TTC5: variants seen among roughly 807,000 people sequenced by gnomAD.
The protein encoded by TTC5 is tetratricopeptide repeat protein 5.
Under a neutral mutation model 57.4 loss-of-function variants are expected in TTC5, and 46 were observed. The observed-to-expected ratio is 0.80, with a 90% CI of 0.63 to 1.03. The LOEUF is 1.03. Ranked by LOEUF, TTC5 falls within the 50% of genes least tolerant of loss-of-function variation. The pLI is 0.00. For missense variants in TTC5, 504 were observed against 528.1 expected, an observed-to-expected ratio of 0.95 and a Z score of 0.45; for synonymous variants, 190 against 203.5, an observed-to-expected ratio of 0.93 and a Z score of 0.57.
Position 20,295,406 on chromosome 14 carries a change from T to C in TTC5, c.964A>G (p.Lys322Glu), listed in dbSNP as rs1594263569. Residue 322 changes from lysine (K) to glutamate (E), a missense_variant, in exon 8 of 10, where the codon AAG (lysine) becomes GAG (glutamate). Coordinates refer to ENST00000258821, the MANE Select transcript of TTC5 (RefSeq NM_138376.3). ...CCAGGCTGAAGCGTACTCAGTGGCT[T>C]GAGCTCCAGGGTCACTTTCTGCCCA... ...ASGQKVTLEL[K>E]PLSTLQPGVN... is the part of the protein sequence containing the mutation. 6.2e-7 allele frequency: 1 copy of C among 1,614,208 alleles called. No individual in the cohort carries two copies. Among genetic ancestry groups the C allele is most frequent in the Non-Finnish European group, 8.5e-7 (1 of 1,180,032 alleles).
At chr14:20,301,560 G>T (rs1228148066) in intron 2 of TTC5, among the ~76,000 whole-genome samples, 1 of 152,120 alleles carries the variant, frequency 6.6e-6, no homozygotes, top group Non-Finnish European at 1.5e-5. Context: ...TATATAAGTG[G>T]ATTTGAAAGT....
chr14:20,286,351 AAAAGAAACAGGAATGGAC>A lies in TTC5; in HGVS notation c.*3258_*3275del, dbSNP rs1394104091. 2 of 152,284 alleles carry A rather than the reference AAAAGAAACAGGAATGGAC, an allele frequency of 1.3e-5. No homozygotes were observed. The highest frequency in any genetic ancestry group is 4.8e-5 in the African/African-American group (2 of 41,578). 9.4% of individuals were successfully genotyped at this position (152,284 alleles called of 1,614,324 possible). A position where few individuals can be genotyped will look rare whatever the true frequency, so the allele number is the denominator to read the frequency against. On this transcript the variant is annotated 3_prime_UTR_variant, in exon 10 of 10. Transcript: ENST00000258821. ...CAAAAGAAAACAGAGATTTCATAGA[AAAAGAAACAGGAATGGAC>A]AAAGAAATGTAATTTATGCCTACTA... is the stretch of plus-strand genomic sequence containing the variant.
At chr14:20,301,788 C>T in intron 2 of TTC5, 45 bp downstream of exon 2, 2 of 1,610,810 alleles carry the variant, frequency 1.2e-6, no homozygotes, top group Non-Finnish European at 1.7e-6. Context: ...AGGTCAATCA[C>T]ATTTCACTGA....
At chr14:20,292,991 A>C (rs1250166851) in intron 8 of TTC5, 1 of 152,232 alleles carries the variant, frequency 6.6e-6, no homozygotes, top group East Asian at 1.9e-4. Flanking sequence ...TATTTGGGTT[A>C]TACAGATATT....
Position 20,286,780 on chromosome 14 carries a change from A to T in TTC5, c.*2847T>A, listed in dbSNP as rs1881847304. ...AAACAGGATAAAACTGTATGTAGAC[A>T]AACGATTAGTACAGGGAATATATAA... is the stretch of plus-strand genomic sequence containing the variant. On this transcript the variant is annotated 3_prime_UTR_variant, in exon 10 of 10. Coordinates refer to ENST00000258821, the MANE Select transcript of TTC5 (RefSeq NM_138376.3). 1 of 152,150 alleles carries T rather than the reference A, an allele frequency of 6.6e-6. No homozygotes were observed. The allele number at this position is 152,150 out of a possible 1,614,324, so 9.4% of individuals were successfully genotyped here.
chr14:20,296,322 C>T, intron 6 of TTC5, 68 bp downstream of exon 6: 1 of 1,268,882 alleles, frequency 7.9e-7, no homozygotes, highest in South Asian at 1.2e-5. Context: ...ACTCAGTTAT[C>T]CTCACAAGCT....
chr14:20,296,413 C>G lies in TTC5; in HGVS notation c.673G>C (p.Asp225His), dbSNP rs1257062164. The change falls in exon 6 of 10, where the codon GAC (aspartate) becomes CAC (histidine). Residue 225 changes from aspartate (D) to histidine (H), a missense_variant. Coordinates refer to ENST00000258821, the MANE Select transcript of TTC5 (RefSeq NM_138376.3). ...ACCGTCGCCCTGTTCAGATGAAGGT[C>G]AGGATTGCTAGAAGCTTTTCTGTCA... ...KVDRKASSNP[D>H]LHLNRATLHK... 1.2e-6 allele frequency: 2 copies of G among 1,613,280 alleles called. No homozygotes were observed. Among genetic ancestry groups the G allele is most frequent in the Non-Finnish European group, 1.7e-6 (2 of 1,179,200 alleles).
chr14:20,300,181 T>C (rs1882159627), intron 3 of TTC5, among the ~76,000 whole-genome samples: 1 of 61,636 alleles, frequency 1.6e-5, no homozygotes, highest in African/African-American at 5.6e-5. Context: ...TTTTTTTTTG[T>C]AGAGACAAGG....
intron 3 of TTC5, 104 bp downstream of exon 3, chr14:20,300,503 C>G (rs1882166759): frequency 1.0e-6 from 1 of 1,000,884 alleles, no homozygotes; most frequent in South Asian, 1.6e-5. Context: ...TGTCCTAGTT[C>G]AATTTCAGTT....
Position 20,300,143 on chromosome 14 carries a change from G to GTATATA in TTC5, c.396+458_396+463dup, listed in dbSNP as rs1555311668. On this transcript the variant is annotated intron_variant, in intron 3 of 9. Coordinates refer to ENST00000258821, the MANE Select transcript of TTC5 (RefSeq NM_138376.3). ...GCATGAGTCACCACGTCTGGTCCATGTATATATATATATTTTTTTTTTTTT... is the reference window on the plus strand; with the variant it reads ...GCATGAGTCACCACGTCTGGTCCATGTATATATATATATATATATTTTTTTTTTTTT... Among the ~76,000 whole-genome samples, 19 of 27,148 alleles carry GTATATA rather than the reference G, an allele frequency of 7.0e-4. 1 individual carries two copies. The highest frequency in any genetic ancestry group is 1.3e-3 in the Non-Finnish European group (16 of 11,868). 17.8% of individuals were successfully genotyped at this position (27,148 alleles called of 152,430 possible).
At chr14:20,301,741 C>T (rs1882196284) in intron 2 of TTC5, 92 bp downstream of exon 2, 1 of 1,519,084 alleles carries the variant, frequency 6.6e-7, no homozygotes, top group Non-Finnish European at 9.0e-7. Flanking sequence ...ATAGCAGTAA[C>T]AGATAGGATA....
rs1428214023 is a variant in TTC5 at position 20,299,354 on chromosome 14, C to T, written c.491G>A (p.Ser164Asn). The change falls in exon 4 of 10, where the codon AGT becomes AAT. Residue 164 changes from serine to asparagine, a missense_variant. Physicochemically the swap from Ser to Asn is conservative, Grantham distance 46 (BLOSUM62 1). Coordinates refer to ENST00000258821, the MANE Select transcript of TTC5 (RefSeq NM_138376.3). ...EDEHSHHVMD[S>N]VRQAKLAVQM... ...AACAGCCAACTTAGCCTGTCGGACA[C>T]TGTCCATGACATGGTGAGAATGTTC... 3 of 1,614,044 alleles carry T rather than the reference C, an allele frequency of 1.9e-6. No individual in the cohort carries two copies. Among genetic ancestry groups the T allele is most frequent in the Non-Finnish European group, 2.5e-6 (3 of 1,180,032 alleles).
At chr14:20,290,202 C>T in intron 9 of TTC5, among the ~76,000 whole-genome samples, 1 of 152,284 alleles carries the variant, frequency 6.6e-6, no homozygotes, top group East Asian at 1.9e-4. Flanking sequence ...AGTTACTTCT[C>T]TTTTATATCA....
At chr14:20,301,769 A>G (rs537710805) in intron 2 of TTC5, 64 bp downstream of exon 2, 2 of 1,597,874 alleles carry the variant, frequency 1.3e-6, no homozygotes, top group Non-Finnish European at 1.7e-6. Context: ...GTCAATGAGG[A>G]GGGAGCAAAG....
rs1383875117 is a variant in TTC5 at position 20,292,052 on chromosome 14, C to T, written c.1134G>A (p.Val378=). The part of the protein sequence containing the change: ...MVYNIVQSWG[V]LIGDSVAIPE... ...GAATGGCTACAGAGTCTCCAATGAG[C>T]ACTCCCCAGCTCTGCACTATATTGT... Residue 378 remains valine (V), a synonymous_variant, in exon 9 of 10, where the codon GTG becomes GTA. Transcript: ENST00000258821. The T allele has an allele frequency of 6.2e-7, 1 of 1,600,328 alleles. No individual in the cohort carries two copies. The highest frequency in any genetic ancestry group is 1.7e-5 in the Admixed American group (1 of 57,892).
intron 8 of TTC5, chr14:20,293,561 G>A (rs770077512): frequency 7.9e-5 from 12 of 152,192 alleles, no homozygotes; most frequent in Non-Finnish European, 1.5e-4. Flanking sequence ...ACCAGTAAGG[G>A]ATCTTAAATA....
intron 7 of TTC5, 55 bp downstream of exon 7, chr14:20,295,653 C>T (rs1882045892): frequency 6.4e-7 from 1 of 1,558,850 alleles, no homozygotes; most frequent in Admixed American, 2.1e-5. Context: ...ATTTTATTGA[C>T]CCACGACAAA....
At chr14:20,293,915 GT>G (rs1882010274) in intron 8 of TTC5, 1 of 152,304 alleles carries the variant, frequency 6.6e-6, no homozygotes, top group South Asian at 2.1e-4. Context: ...GAAGCAGATG[GT>G]TATAGGAATC....
Position 20,295,481 on chromosome 14 carries a change from G to A in TTC5, c.889C>T (p.Arg297Cys), listed in dbSNP as rs368459615. The A allele has an allele frequency of 3.4e-5, 55 of 1,613,756 alleles. No homozygotes were observed. The highest frequency in any genetic ancestry group is 1.6e-4 in the African/African-American group (12 of 74,910). ...CTGCAAGGGCCTAGATGGGCTGGGC[G>A]CAAGCTTCCCAGCATGCTCTGCAGC... is the stretch of plus-strand genomic sequence containing the variant. ...KKLQSMLGSL[R>C]PAHLGPCSDG... The change falls in exon 8 of 10, where the codon CGC (arginine) becomes TGC (cysteine). Residue 297 changes from arginine to cysteine, a missense_variant. By Grantham distance (180) the Arg-to-Cys change is radical. Coordinates refer to ENST00000258821, the MANE Select transcript of TTC5 (RefSeq NM_138376.3).
Sources: allele counts gnomAD v4.1 joint callset (sites outside exome capture counted in the v4.1 genomes callset), GRCh38; gene constraint gnomAD v4.1.1; transcripts MANE v1.5; gene names NCBI Gene and HGNC (gene_info 2026-07-23, HGNC 2026-07-21).